MTR: variants seen among roughly 807,000 people sequenced by gnomAD.
MTR encodes 5-methyltetrahydrofolate-homocysteine methyltransferase, also known as methionine synthase.
Under a neutral mutation model 154.8 loss-of-function variants are expected in MTR, and 84 were observed. The ratio of observed to expected loss-of-function variants is 0.54; its 90% CI spans 0.45 to 0.65. The LOEUF is 0.65. Ranked by LOEUF, MTR falls within the 30% of genes least tolerant of loss-of-function variation. The probability of loss-of-function intolerance (pLI) is 0.00; values close to 1 mark genes in which losing one functional copy is unlikely to be tolerated. For synonymous variants in MTR, 554 were observed against 553.9 expected, an observed-to-expected ratio of 1.00 and a Z score of 0.00; for missense variants, 1,275 against 1,570.2, an observed-to-expected ratio of 0.81 and a Z score of 3.18.
chr1:236,852,058 A>C (rs552781792), intron 16 of MTR, among the ~76,000 whole-genome samples: 1 of 152,326 alleles, frequency 6.6e-6, no homozygotes, highest in South Asian at 2.1e-4. Context: ...TTGAGCCAAT[A>C]ATAGTGAAAG....
chr1:236,814,167 C>T (rs979182764), intron 6 of MTR, among the ~76,000 whole-genome samples: 2 of 152,124 alleles, frequency 1.3e-5, no homozygotes, highest in African/African-American at 2.4e-5. Context: ...ACCACCCTAC[C>T]TCATTCTTAA....
intron 15 of MTR, among the ~76,000 whole-genome samples, chr1:236,846,997 C>T (rs1572256091): frequency 6.6e-6 from 1 of 152,200 alleles, no homozygotes; most frequent in African/African-American, 2.4e-5. Context: ...AGCAATTCTC[C>T]TGACTCAGCC....
At chr1:236,841,799 T>C (rs1410063609) in intron 15 of MTR, among the ~76,000 whole-genome samples, 1 of 152,198 alleles carries the variant, frequency 6.6e-6, no homozygotes, top group Non-Finnish European at 1.5e-5. Context: ...GGCATAGGAG[T>C]ACAAACTTGA....
At position 236,894,537 on chromosome 1, in the gene MTR, C is replaced by T. The variant is rs1371113890; in HGVS notation, c.3385C>T (p.Leu1129=). ...DDYSSIMVKA[L]GDRLAEAFAE... is the part of the protein sequence containing the mutation. ...CTACAGCAGCATCATGGTCAAGGCG[C>T]TGGGGGACCGGCTGGCAGAGGTAAG... Residue 1129 remains leucine (L), a synonymous_variant, in exon 30 of 33, where the codon CTG becomes TTG. Transcript: ENST00000366577. The T allele has an allele frequency of 1.2e-6, 2 of 1,614,110 alleles. No homozygotes were observed. The highest frequency in any genetic ancestry group is 8.5e-7 in the Non-Finnish European group (1 of 1,180,034).
In MTR at chr1:236,861,104, T is replaced by TTCTTTTTTC. The variant is rs1558318033; in HGVS notation, c.2044-20_2044-19insCTTTTTTCT. The stretch of plus-strand genomic sequence containing the variant: ...TTTTCTTTCTTTCTTTTTCTTTTTT[T>TTCTTTTTTC]TTTTTTTTTGTCTTTTTTAGGGCAT... On this transcript the variant is annotated intron_variant, in intron 19 of 32. Transcript: ENST00000366577. 2.0e-6 allele frequency: 3 copies of TTCTTTTTTC among 1,501,648 alleles called. No homozygotes were observed. The East Asian group carries it at 7.3e-5, about 36-fold the overall frequency. 93.0% of individuals were successfully genotyped at this position (1,501,648 alleles called of 1,614,324 possible).
At chr1:236,894,298 C>G (rs894733898) in intron 29 of MTR, 59 bp from the exon 30 acceptor site, 147 of 1,530,510 alleles carry the variant, frequency 9.6e-5, no homozygotes, top group Non-Finnish European at 1.3e-4. Context: ...TCATGGTGTG[C>G]TGGCGCCACG....
chr1:236,872,643 A>C (rs770061997), intron 22 of MTR, among the ~76,000 whole-genome samples: 19 of 152,206 alleles, frequency 1.2e-4, no homozygotes, highest in Non-Finnish European at 2.5e-4. Context: ...CTTCTCATTA[A>C]AATGAGACCC....
At chr1:236,821,608 C>G (rs550890231) in intron 8 of MTR, among the ~76,000 whole-genome samples, 2 of 152,134 alleles carry the variant, frequency 1.3e-5, no homozygotes, top group East Asian at 3.9e-4. Flanking sequence ...TGGACCCTGC[C>G]TTTGTTGTTT....
At chr1:236,880,980 G>C (rs1665701104) in intron 25 of MTR, 144 bp downstream of exon 25, 3 of 826,722 alleles carry the variant, frequency 3.6e-6, no homozygotes. Context: ...GTGTGCCTCT[G>C]CAGTGACTGC....
At chr1:236,795,803 C>G in intron 1 of MTR, 66 bp downstream of exon 1, 16 of 1,610,610 alleles carry the variant, frequency 9.9e-6, no homozygotes, top group Non-Finnish European at 1.0e-5. Flanking sequence ...GCCTCCTAAT[C>G]CCTGGGGCGA....
At chr1:236,809,846 T>C (rs1472498204) in intron 4 of MTR, among the ~76,000 whole-genome samples, 1 of 152,234 alleles carries the variant, frequency 6.6e-6, no homozygotes, top group Non-Finnish European at 1.5e-5. Context: ...CTACACCATT[T>C]TTAGAAGCAC....
intron 23 of MTR, among the ~76,000 whole-genome samples, chr1:236,874,364 C>G (rs1419520361): frequency 6.6e-6 from 1 of 151,974 alleles, no homozygotes; most frequent in Non-Finnish European, 1.5e-5. Flanking sequence ...CATTTGAGGT[C>G]AGAAGTTTGA....
rs1663033299 is a variant in MTR, at chr1:236,838,470, C to T, written c.1386C>T (p.Cys462=). The T allele has an allele frequency of 1.2e-6, 2 of 1,614,080 alleles. No homozygotes were observed. The highest frequency in any genetic ancestry group is 1.7e-6 in the Non-Finnish European group (2 of 1,180,008). Residue 462 remains cysteine, a synonymous_variant, in exon 15 of 33, where the codon TGC becomes TGT. Transcript: ENST00000366577. ...NFAVIEAGLK[C]CQGKCIVNSI... ...CTGTGATTGAAGCTGGGTTAAAGTG[C>T]TGCCAAGGGAAGTGCATTGTCAATA...
In MTR at chr1:236,845,291, G is replaced by A. The variant is rs529511824; in HGVS notation, c.1516-5053G>A. Among the ~76,000 whole-genome samples, 50 of 152,282 alleles carry A rather than the reference G, an allele frequency of 3.3e-4. No individual in the cohort carries two copies. In the South Asian group the frequency reaches 6.4e-3, roughly 20 times the overall value. On this transcript the variant is annotated intron_variant, in intron 15 of 32. Transcript: ENST00000366577. ...CTGTGACCACAAATTAAAAGCAAAT[G>A]TAGGAAAAAAAATTAACTTGCTAGT...
At chr1:236,847,124 T>C (rs1438084964) in intron 15 of MTR, among the ~76,000 whole-genome samples, 1 of 152,034 alleles carries the variant, frequency 6.6e-6, no homozygotes, top group Non-Finnish European at 1.5e-5. Flanking sequence ...TGACCTCAGG[T>C]GATCCACCTG....
intron 9 of MTR, among the ~76,000 whole-genome samples, chr1:236,825,073 G>A (rs1418382011): frequency 6.7e-6 from 1 of 149,130 alleles, no homozygotes; most frequent in Non-Finnish European, 1.5e-5. Flanking sequence ...GGGGTATTCT[G>A]TTCTGCCTAA....
intron 3 of MTR, 148 bp downstream of exon 3, chr1:236,806,381 A>G: frequency 2.7e-6 from 2 of 736,090 alleles, no homozygotes; most frequent in Non-Finnish European, 4.8e-6. Flanking sequence ...AATGGTGTGA[A>G]TCCTTCCAGC....
chr1:236,903,451 C>T lies in MTR; in HGVS notation c.*5807C>T, dbSNP rs1667006852. ...CTAATTCCATTTACACTGCATTCTT[C>T]AAATGTAATTTTCAAAGATGCCTTT... On this transcript the variant is annotated 3_prime_UTR_variant, in exon 33 of 33. Transcript: ENST00000366577. The T allele has an allele frequency of 6.6e-6, 1 of 151,424 alleles. No individual in the cohort carries two copies. Among genetic ancestry groups the T allele is most frequent in the South Asian group, 2.1e-4 (1 of 4,814 alleles). 9.4% of individuals were successfully genotyped at this position (151,424 alleles called of 1,614,324 possible).
chr1:236,889,166 A>T lies in MTR; in HGVS notation c.2852-15A>T. The T allele has an allele frequency of 3.1e-6, 5 of 1,613,996 alleles. No individual in the cohort carries two copies. The highest frequency in any genetic ancestry group is 4.2e-6 in the Non-Finnish European group (5 of 1,180,002). On this transcript the variant is annotated splice_polypyrimidine_tract_variant and intron_variant, in intron 27 of 32. Coordinates refer to ENST00000366577, the MANE Select transcript of MTR (RefSeq NM_000254.3). Reference sequence around the variant, plus strand: ...TGCCAGCGTCAGCATTGACAACCATACTTCTCTCCTGTAGTGAAGCCCACG... The same window carrying T: ...TGCCAGCGTCAGCATTGACAACCATTCTTCTCTCCTGTAGTGAAGCCCACG...
Sources: allele counts gnomAD v4.1 joint callset (sites outside exome capture counted in the v4.1 genomes callset), GRCh38; gene constraint gnomAD v4.1.1; transcripts MANE v1.5; gene names NCBI Gene and HGNC (gene_info 2026-07-23, HGNC 2026-07-21).